CTNNA2: variants seen among roughly 807,000 people sequenced by gnomAD.
CTNNA2 encodes the protein catenin alpha 2.
CTNNA2 carries 42 observed loss-of-function variants against 101.0 expected under a neutral mutation model. The observed-to-expected ratio is 0.42, with a 90% CI of 0.32 to 0.54. CTNNA2 has a LOEUF of 0.54. Among genes scored for constraint, CTNNA2 ranks in the 20% least tolerant of loss-of-function variants. CTNNA2 has a pLI of 0.14. For missense variants in CTNNA2, 871 were observed against 1,223.1 expected, an observed-to-expected ratio of 0.71 and a Z score of 4.29; for synonymous variants, 450 against 456.4, an observed-to-expected ratio of 0.99 and a Z score of 0.18.
At chr2:80,320,460 C>T (rs936048804) in intron 7 of CTNNA2, among the ~76,000 whole-genome samples, 15 of 152,136 alleles carry the variant, frequency 9.9e-5, no homozygotes, top group Admixed American at 6.5e-4. Context: ...TCACCTTCTC[C>T]GAATTGTGAT....
chr2:80,462,631 CTTTTTTTTTTTTTT>C (rs753815778), intron 9 of CTNNA2, among the ~76,000 whole-genome samples: 1 of 94,772 alleles, frequency 1.1e-5, no homozygotes, highest in Non-Finnish European at 1.9e-5. Context: ...TTCTTTCTTT[CTTTTTTTTTTTTTT>C]TTTTTTTGAC....
chr2:80,304,454 A>G (rs1676705453), intron 7 of CTNNA2: 1 of 152,564 alleles, frequency 6.6e-6, no homozygotes, highest in Admixed American at 6.6e-5. Flanking sequence ...GGGGGGAAAA[A>G]ACTCCAAACT....
intron 4 of CTNNA2, among the ~76,000 whole-genome samples, chr2:79,438,060 C>G (rs1001618674): frequency 7.1e-6 from 1 of 140,594 alleles, no homozygotes; most frequent in Non-Finnish European, 1.5e-5. Context: ...AAGGCAGCAG[C>G]AAACCTCAGA....
At chr2:79,973,324 C>T (rs1690618438) in intron 7 of CTNNA2, among the ~76,000 whole-genome samples, 1 of 152,050 alleles carries the variant, frequency 6.6e-6, no homozygotes, top group Non-Finnish European at 1.5e-5. Flanking sequence ...CTGGGATTCT[C>T]AGGTCTTTCC....
intron 7 of CTNNA2, among the ~76,000 whole-genome samples, chr2:80,009,433 T>G (rs1475438968): frequency 1.3e-5 from 2 of 152,208 alleles, no homozygotes; most frequent in African/African-American, 4.8e-5. Context: ...TGGGAAGATT[T>G]GATGTTCATT....
intron 7 of CTNNA2, among the ~76,000 whole-genome samples, chr2:80,154,379 G>A (rs1365220223): frequency 2.6e-5 from 4 of 152,158 alleles, no homozygotes; most frequent in Admixed American, 6.5e-5. Flanking sequence ...GTTTTTTGAA[G>A]AGCTACTGCT....
At chr2:79,766,828 T>A in intron 3 of CTNNA2, among the ~76,000 whole-genome samples, 1 of 152,044 alleles carries the variant, frequency 6.6e-6, no homozygotes, top group East Asian at 1.9e-4. Context: ...TGATCTCGGC[T>A]CACCGCAACC....
intron 7 of CTNNA2, among the ~76,000 whole-genome samples, chr2:79,975,391 G>A (rs1371887681): frequency 2.6e-5 from 4 of 152,130 alleles, no homozygotes; most frequent in Admixed American, 2.0e-4. Context: ...CCCCAGATGT[G>A]TGGGAGTTTC....
chr2:79,973,070 A>G (rs979026000), intron 7 of CTNNA2, among the ~76,000 whole-genome samples: 1 of 152,188 alleles, frequency 6.6e-6, no homozygotes, highest in Admixed American at 6.5e-5. Context: ...TTCAAAAGAG[A>G]AAAAACAATC....
intron 7 of CTNNA2, among the ~76,000 whole-genome samples, chr2:80,386,728 G>C (rs963960913): frequency 1.3e-5 from 2 of 152,104 alleles, no homozygotes; most frequent in Admixed American, 6.5e-5. Context: ...CATTTGATTA[G>C]CTCCTAAAAC....
At chr2:79,605,511 C>G (rs1301059286) in intron 1 of CTNNA2, among the ~76,000 whole-genome samples, 1 of 138,718 alleles carries the variant, frequency 7.2e-6, no homozygotes, top group Non-Finnish European at 1.7e-5. Flanking sequence ...TCTTATAGTT[C>G]AAGATCAAGG....
chr2:80,214,415 C>G (rs1050648525), intron 7 of CTNNA2, among the ~76,000 whole-genome samples: 3 of 152,132 alleles, frequency 2.0e-5, no homozygotes, highest in African/African-American at 4.8e-5. Context: ...CTGGTGGTGA[C>G]AAAATCTCTC....
At chr2:80,122,565 G>A (rs1045166956) in intron 7 of CTNNA2, among the ~76,000 whole-genome samples, 4 of 152,036 alleles carry the variant, frequency 2.6e-5, no homozygotes, top group Non-Finnish European at 5.9e-5. Context: ...TCTGTTTTAC[G>A]TATTGGTTTT....
At chr2:80,028,817 C>T (rs1440504425) in intron 7 of CTNNA2, among the ~76,000 whole-genome samples, 1 of 152,152 alleles carries the variant, frequency 6.6e-6, no homozygotes, top group Non-Finnish European at 1.5e-5. Flanking sequence ...ATGCAGATGG[C>T]CTCTAGAAGT....
In CTNNA2 at chr2:80,005,773, GT is replaced by G. The variant is rs34388865; in HGVS notation, c.1056+95988del. ...CTCAAGTTTATCACTATGTTTATTTGTTTTTTTTTTTTAAACAAGCACAGCT... is the reference window on the plus strand; with the variant it reads ...CTCAAGTTTATCACTATGTTTATTTGTTTTTTTTTTTAAACAAGCACAGCT... On this transcript the variant is annotated intron_variant, in intron 7 of 18. Transcript: ENST00000402739. Among the ~76,000 whole-genome samples the G allele has an allele frequency of 3.0e-4, 44 of 147,560 alleles. No individual in the cohort carries two copies. The East Asian group carries it at 3.4e-3, about 11-fold the overall frequency.
intron 7 of CTNNA2, among the ~76,000 whole-genome samples, chr2:80,213,162 C>G (rs1010426146): frequency 2.1e-4 from 32 of 152,156 alleles, no homozygotes; most frequent in Non-Finnish European, 3.5e-4. Flanking sequence ...TTCAAAAAAC[C>G]AGCTACTGGA....
At chr2:79,529,699 C>T (rs1200197951) in intron 1 of CTNNA2, among the ~76,000 whole-genome samples, 2 of 126,566 alleles carry the variant, frequency 1.6e-5, no homozygotes, top group East Asian at 4.6e-4. Flanking sequence ...AAAGAAAACA[C>T]ACTTGGAAAA....
chr2:80,489,284 G>T (rs554100571), intron 9 of CTNNA2, among the ~76,000 whole-genome samples: 2 of 152,070 alleles, frequency 1.3e-5, no homozygotes, highest in African/African-American at 2.4e-5. Context: ...AATCCAGGGG[G>T]TTTATAAGCA....
intron 2 of CTNNA2, among the ~76,000 whole-genome samples, chr2:79,291,531 C>A (rs936935828): frequency 1.3e-5 from 2 of 152,272 alleles, no homozygotes; most frequent in African/African-American, 4.8e-5. Flanking sequence ...TCCTTTCTTT[C>A]ATTTCCTCCC....
Sources: allele counts gnomAD v4.1 joint callset (sites outside exome capture counted in the v4.1 genomes callset), GRCh38; gene constraint gnomAD v4.1.1; transcripts MANE v1.5; gene names NCBI Gene and HGNC (gene_info 2026-07-23, HGNC 2026-07-21).